The following EXOC6B variants were observed in gnomAD, a reference collection of about 807,000 sequenced individuals.
EXOC6B encodes the protein exocyst complex component 6B, also known as SEC15 homolog B.
In EXOC6B, 54 loss-of-function variants were observed where a neutral mutation model predicts 113.5. That is an observed-to-expected ratio of 0.48 (90% CI 0.38 to 0.60). The LOEUF is 0.60. EXOC6B is among the 20% of genes least tolerant of loss of function. EXOC6B has a pLI of 0.00. For missense variants in EXOC6B, 797 were observed against 977.5 expected (o/e 0.82, Z 2.46); for synonymous variants, 357 against 339.0 (o/e 1.05, Z -0.58).
intron 6 of EXOC6B, among the ~76,000 whole-genome samples, chr2:72,616,958 AG>A (rs1383885655): frequency 6.6e-6 from 1 of 152,206 alleles, no homozygotes; most frequent in East Asian, 1.9e-4. Flanking sequence ...AAAGCAAGTT[AG>A]TTACTTCCTA....
At chr2:72,366,626 C>G (rs1251675104) in intron 19 of EXOC6B, among the ~76,000 whole-genome samples, 1 of 151,920 alleles carries the variant, frequency 6.6e-6, no homozygotes, top group African/African-American at 2.4e-5. Context: ...AAGAATCCCA[C>G]AGAAAAGACA....
chr2:72,741,127 T>C (rs976230344), intron 2 of EXOC6B, among the ~76,000 whole-genome samples, 177 bp downstream of exon 2: 2 of 152,010 alleles, frequency 1.3e-5, no homozygotes, highest in Non-Finnish European at 2.9e-5. Flanking sequence ...GGGGTGGGTA[T>C]TGTTTTTAGC....
chr2:72,767,360 G>A (rs1009631590), intron 1 of EXOC6B, among the ~76,000 whole-genome samples: 3 of 152,054 alleles, frequency 2.0e-5, no homozygotes, highest in African/African-American at 7.2e-5. Context: ...GAAACCGGGA[G>A]GCGGAGGTTG....
chr2:72,820,311 G>C (rs1383269834), intron 1 of EXOC6B, among the ~76,000 whole-genome samples: 1 of 152,108 alleles, frequency 6.6e-6, no homozygotes, highest in Non-Finnish European at 1.5e-5. Flanking sequence ...AACAGCAGCT[G>C]TGTTATAGAA....
intron 6 of EXOC6B, among the ~76,000 whole-genome samples, chr2:72,579,526 C>G (rs1705071045): frequency 6.6e-6 from 1 of 152,172 alleles, no homozygotes; most frequent in Non-Finnish European, 1.5e-5. Context: ...GACTTGAGTG[C>G]TTTTCTACCC....
At chr2:72,755,202 T>C (rs1228442820) in intron 1 of EXOC6B, among the ~76,000 whole-genome samples, 1 of 152,128 alleles carries the variant, frequency 6.6e-6, no homozygotes, top group Non-Finnish European at 1.5e-5. Context: ...AACAAATGCC[T>C]AGTATTATCC....
At chr2:72,360,584 C>T (rs866360196) in intron 19 of EXOC6B, among the ~76,000 whole-genome samples, 1 of 152,070 alleles carries the variant, frequency 6.6e-6, no homozygotes, top group East Asian at 1.9e-4. Flanking sequence ...GCCATGTGAT[C>T]GCTTTTAACA....
At chr2:72,292,682 A>G (rs1685880012) in intron 20 of EXOC6B, among the ~76,000 whole-genome samples, 1 of 152,172 alleles carries the variant, frequency 6.6e-6, no homozygotes, top group Admixed American at 6.5e-5. Flanking sequence ...ACTACTAGTC[A>G]CAACTTCTTC....
chr2:72,264,913 C>T (rs1335743015), intron 20 of EXOC6B, among the ~76,000 whole-genome samples: 2 of 152,062 alleles, frequency 1.3e-5, no homozygotes, highest in African/African-American at 4.8e-5. Context: ...TTATAAATTA[C>T]CTAGTCTCAA....
intron 20 of EXOC6B, among the ~76,000 whole-genome samples, chr2:72,230,459 G>A (rs1398503134): frequency 6.6e-6 from 1 of 152,142 alleles, no homozygotes; most frequent in African/African-American, 2.4e-5. Flanking sequence ...TGTGTCAAAT[G>A]AGGATAAGAA....
rs114002654 is a variant in EXOC6B, at chr2:72,270,474, A to T, written c.2196+64473T>A. Among the ~76,000 whole-genome samples the T allele has an allele frequency of 2.8e-3, 428 of 152,282 alleles. 3 individuals carry two copies. Among genetic ancestry groups the T allele is most frequent in the African/African-American group, 9.2e-3 (382 of 41,546 alleles). On this transcript the variant is annotated intron_variant, in intron 20 of 21. Coordinates refer to ENST00000272427, the MANE Select transcript of EXOC6B (RefSeq NM_015189.3). ...TAAGCATTTGAAATAAAAGACTAAAAAATTTGAACTCTTCAGACATATTTA... is the reference window on the plus strand; with the variant it reads ...TAAGCATTTGAAATAAAAGACTAAATAATTTGAACTCTTCAGACATATTTA...
intron 20 of EXOC6B, among the ~76,000 whole-genome samples, chr2:72,208,826 C>T (rs1679989475): frequency 6.6e-6 from 1 of 152,180 alleles, no homozygotes; most frequent in Admixed American, 6.5e-5. Context: ...TGGATTTTAA[C>T]CTTACAATAC....
chr2:72,400,179 T>C (rs1693045717), intron 18 of EXOC6B, among the ~76,000 whole-genome samples: 1 of 151,960 alleles, frequency 6.6e-6, no homozygotes, highest in South Asian at 2.1e-4. Flanking sequence ...ATATACACTG[T>C]AGAAAGTACC....
In EXOC6B at chr2:72,320,425, A is replaced by C. The variant is rs369414590; in HGVS notation, c.2196+14522T>G. 3.3e-5 allele frequency among the ~76,000 whole-genome samples: 5 copies of C among 152,208 alleles called. No homozygotes were observed. The East Asian group carries it at 9.7e-4, about 29-fold the overall frequency. On this transcript the variant is annotated intron_variant, in intron 20 of 21. Coordinates refer to ENST00000272427, the MANE Select transcript of EXOC6B (RefSeq NM_015189.3). ...AGAGAATGCAGAAGGAGACCAACAC[A>C]TATGTGGTGAATTGATTTCTAAGAA...
intron 20 of EXOC6B, chr2:72,263,478 T>A (rs138449282): frequency 1.9e-4 from 29 of 152,306 alleles, no homozygotes; most frequent in African/African-American, 6.5e-4. Flanking sequence ...AGCAGAAAAC[T>A]ATTATGCTGG....
chr2:72,815,993 T>C (rs1469543380), intron 1 of EXOC6B, among the ~76,000 whole-genome samples: 1 of 152,044 alleles, frequency 6.6e-6, no homozygotes, highest in Non-Finnish European at 1.5e-5. Context: ...ATCCCTTCTC[T>C]ACTAAAACTA....
chr2:72,282,398 C>G (rs1174909966), intron 20 of EXOC6B, among the ~76,000 whole-genome samples: 4 of 150,196 alleles, frequency 2.7e-5, no homozygotes, highest in Non-Finnish European at 4.4e-5. Context: ...TTTAGGATAA[C>G]CAGTAAAAGG....
intron 18 of EXOC6B, among the ~76,000 whole-genome samples, chr2:72,406,939 A>C (rs984546628): frequency 2.0e-5 from 3 of 152,212 alleles, no homozygotes; most frequent in Non-Finnish European, 4.4e-5. Flanking sequence ...AAAGATCAAC[A>C]AAATTGATAG....
chr2:72,429,910 C>A (rs1384049590), intron 18 of EXOC6B, among the ~76,000 whole-genome samples: 1 of 152,142 alleles, frequency 6.6e-6, no homozygotes. Flanking sequence ...GGGCATTTAA[C>A]AAATATTTCT....
Sources: gnomAD v4.1 joint callset for allele counts (sites outside exome capture counted in the v4.1 genomes callset) on GRCh38, gnomAD v4.1.1 for gene constraint, MANE v1.5 for transcripts, NCBI Gene and HGNC (gene_info 2026-07-23, HGNC 2026-07-21) for gene names.